ITPK1: variants seen among roughly 807,000 people sequenced by gnomAD.
The protein encoded by ITPK1 is inositol-tetrakisphosphate 1-kinase.
Under a neutral mutation model 45.3 loss-of-function variants are expected in ITPK1, and 21 were observed. The ratio of observed to expected loss-of-function variants is 0.46; its 90% confidence interval spans 0.33 to 0.67. The LOEUF (loss-of-function observed/expected upper bound fraction) is 0.67, where lower values mean the gene tolerates loss of function less well. Among genes scored for constraint, ITPK1 ranks in the 30% least tolerant of loss-of-function variants. The pLI is 0.02. For synonymous variants in ITPK1, 258 were observed against 253.6 expected (o/e 1.02, Z -0.16); for missense variants, 474 against 573.5 (o/e 0.83, Z 1.77).
chr14:92,941,354 A>G lies in ITPK1; in HGVS notation c.*207T>C. On this transcript the variant is annotated 3_prime_UTR_variant, in exon 11 of 11. Transcript: ENST00000267615. ...CAGTAGAGAGCAGGCGGACGGCCCC[A>G]CTCCCCAACGGTGGACCACCTGGTA... The G allele has an allele frequency of 7.1e-7, 1 of 1,410,222 alleles. No homozygotes were observed. Among genetic ancestry groups the G allele is most frequent in the Non-Finnish European group, 9.2e-7 (1 of 1,090,046 alleles). The allele number at this position is 1,410,222 out of a possible 1,614,324, so 87.4% of individuals were successfully genotyped here.
intron 3 of ITPK1, among the ~76,000 whole-genome samples, chr14:93,057,005 T>C (rs1351522126): frequency 6.6e-6 from 1 of 152,156 alleles, no homozygotes; most frequent in Non-Finnish European, 1.5e-5. Context: ...GCACATCACA[T>C]AACTGCTCAC....
chr14:92,960,193 A>G (rs1884993776), intron 7 of ITPK1, among the ~76,000 whole-genome samples: 1 of 152,112 alleles, frequency 6.6e-6, no homozygotes, highest in Non-Finnish European at 1.5e-5. Context: ...GAGTAGAGGG[A>G]GGGGCACCTG....
rs766243765 is a variant in ITPK1, at chr14:92,940,712, G to C, written c.*849C>G. 1.4e-5 allele frequency: 18 copies of C among 1,288,494 alleles called. No individual in the cohort carries two copies. The highest frequency in any genetic ancestry group is 2.1e-4 in the Middle Eastern group (1 of 4,704). The allele number at this position is 1,288,494 out of a possible 1,614,324, so 79.8% of individuals were successfully genotyped here. On this transcript the variant is annotated 3_prime_UTR_variant, in exon 11 of 11. Coordinates refer to ENST00000267615, the MANE Select transcript of ITPK1 (RefSeq NM_014216.6). ...GCTCTCTGATCTCAAATGTCCACTA[G>C]AGACAAGGGGGTGGAGGCCCAAAGA...
intron 2 of ITPK1, among the ~76,000 whole-genome samples, chr14:93,090,324 T>G (rs951079412): frequency 1.3e-5 from 2 of 152,178 alleles, no homozygotes; most frequent in Admixed American, 1.3e-4. Context: ...CGGAAGCCTC[T>G]TCCTCGCACC....
chr14:92,986,168 T>C (rs1341660206), intron 5 of ITPK1, among the ~76,000 whole-genome samples: 2 of 152,136 alleles, frequency 1.3e-5, no homozygotes, highest in African/African-American at 4.8e-5. Context: ...GAAGAGCAGT[T>C]TTTGTAGGGC....
At chr14:93,060,449 C>T (rs906504382) in intron 3 of ITPK1, among the ~76,000 whole-genome samples, 18 of 152,220 alleles carry the variant, frequency 1.2e-4, no homozygotes, top group Non-Finnish European at 2.5e-4. Context: ...CACCAGGCTA[C>T]GTGGGCCAGG....
intron 2 of ITPK1, among the ~76,000 whole-genome samples, chr14:93,092,628 A>T (rs1476524297): frequency 6.6e-6 from 1 of 152,252 alleles, no homozygotes; most frequent in Non-Finnish European, 1.5e-5. Context: ...GTACCTGCAG[A>T]CATTCTTGGA....
intron 3 of ITPK1, among the ~76,000 whole-genome samples, chr14:93,062,877 G>A (rs1890591726): frequency 6.6e-6 from 1 of 152,190 alleles, no homozygotes; most frequent in Non-Finnish European, 1.5e-5. Context: ...GATGGACAAA[G>A]GAAGGCACTG....
intron 3 of ITPK1, chr14:93,066,062 T>G (rs1373139240): frequency 7.5e-6 from 2 of 266,542 alleles, no homozygotes; most frequent in Non-Finnish European, 1.5e-5. Flanking sequence ...TTCCCAAGAT[T>G]TCCACAAGTA....
Position 92,938,475 on chromosome 14 carries a change from T to G in ITPK1, c.*3086A>C. The G allele has an allele frequency of 6.2e-7, 1 of 1,611,064 alleles. No homozygotes were observed. The highest frequency in any genetic ancestry group is 8.5e-7 in the Non-Finnish European group (1 of 1,177,230). On this transcript the variant is annotated 3_prime_UTR_variant, in exon 11 of 11. Coordinates refer to ENST00000267615, the MANE Select transcript of ITPK1 (RefSeq NM_014216.6). The stretch of plus-strand genomic sequence containing the variant: ...TCAGTTGGCTCAAACATGTGACAGC[T>G]TCCTACTTCAGTCGGTCTTCCAGCC...
chr14:93,010,475 C>A (rs1182770221), intron 4 of ITPK1, among the ~76,000 whole-genome samples: 1 of 152,220 alleles, frequency 6.6e-6, no homozygotes, highest in African/African-American at 2.4e-5. Context: ...CTTCCCTATG[C>A]GGTAGGCAAG....
chr14:93,004,541 TGTGA>T (rs1014223089), intron 4 of ITPK1, among the ~76,000 whole-genome samples: 15 of 152,024 alleles, frequency 9.9e-5, no homozygotes, highest in South Asian at 2.1e-4. Flanking sequence ...TGTGGGAGCT[TGTGA>T]GTGAGTGCGT....
At chr14:93,092,749 T>C (rs1019722731) in intron 2 of ITPK1, among the ~76,000 whole-genome samples, 1 of 152,222 alleles carries the variant, frequency 6.6e-6, no homozygotes, top group Non-Finnish European at 1.5e-5. Flanking sequence ...TGATGTCCAC[T>C]GGGTCAGCCA....
chr14:93,097,635 C>T (rs1403073828), intron 2 of ITPK1, among the ~76,000 whole-genome samples: 5 of 152,170 alleles, frequency 3.3e-5, no homozygotes, highest in Admixed American at 6.5e-5. Context: ...TTTACCTACA[C>T]GTAACGGAAT....
chr14:92,970,337 T>G (rs1885582662), intron 5 of ITPK1, among the ~76,000 whole-genome samples: 1 of 152,178 alleles, frequency 6.6e-6, no homozygotes, highest in East Asian at 1.9e-4. Context: ...CCTAGAGAGC[T>G]GCTGGGAGGC....
chr14:92,954,701 G>A (rs775425289), intron 8 of ITPK1, among the ~76,000 whole-genome samples: 13 of 152,342 alleles, frequency 8.5e-5, no homozygotes, highest in East Asian at 5.8e-4. Context: ...GTACAGCCAC[G>A]AGCTGGGCCA....
intron 8 of ITPK1, among the ~76,000 whole-genome samples, chr14:92,957,591 C>T (rs549959701): frequency 6.6e-6 from 1 of 152,210 alleles, no homozygotes; most frequent in Non-Finnish European, 1.5e-5. Flanking sequence ...GCAGAGAACG[C>T]CCTATGTGAC....
intron 2 of ITPK1, among the ~76,000 whole-genome samples, chr14:93,094,109 A>G (rs1467501365): frequency 6.6e-6 from 1 of 152,192 alleles, no homozygotes; most frequent in African/African-American, 2.4e-5. Context: ...GGTCTAGCAG[A>G]GGTTAGTTAA....
intron 2 of ITPK1, among the ~76,000 whole-genome samples, chr14:93,097,965 C>T (rs1480434698): frequency 1.3e-5 from 2 of 152,054 alleles, no homozygotes; most frequent in Non-Finnish European, 2.9e-5. Context: ...GCCAAGATTG[C>T]CGCCAATGCA....
Sources: allele counts gnomAD v4.1 joint callset (sites outside exome capture counted in the v4.1 genomes callset), GRCh38; gene constraint gnomAD v4.1.1; transcripts MANE v1.5; gene names NCBI Gene and HGNC (gene_info 2026-07-23, HGNC 2026-07-21).